Variants in SNAP25 observed in about 807,000 individuals in gnomAD.
SNAP25 encodes synaptosomal-associated protein 25.
A neutral mutation model predicts 28.7 loss-of-function variants in SNAP25; 3 were observed. That is an observed-to-expected ratio of 0.10 (90% CI 0.05 to 0.27). The LOEUF is 0.27. Ranked by LOEUF, SNAP25 falls within the 10% of genes least tolerant of loss-of-function variation. The pLI is 1.00. For missense variants in SNAP25, 117 were observed against 278.7 expected (o/e 0.42, Z 4.13); for synonymous variants, 61 against 88.1 (o/e 0.69, Z 1.72).
At chr20:10,290,175 T>G (rs989730431) in intron 4 of SNAP25, among the ~76,000 whole-genome samples, 2 of 152,148 alleles carry the variant, frequency 1.3e-5, no homozygotes, top group African/African-American at 4.8e-5. Context: ...ACAGAAATCA[T>G]TGAAGTGCCA....
chr20:10,220,120 A>G (rs922324097), intron 1 of SNAP25, among the ~76,000 whole-genome samples: 2 of 152,192 alleles, frequency 1.3e-5, no homozygotes, highest in South Asian at 2.1e-4. Context: ...AGCCAATGCT[A>G]TCTGTTTATA....
intron 3 of SNAP25, 52 bp downstream of exon 3, chr20:10,277,778 C>T (rs1271018877): frequency 1.3e-6 from 2 of 1,496,532 alleles, no homozygotes; most frequent in East Asian, 2.3e-5. Flanking sequence ...TATGCTGATA[C>T]ATCCTTTCCT....
In SNAP25 at chr20:10,296,948, A is replaced by C; in HGVS notation, c.305A>C (p.Lys102Thr). 6.2e-7 allele frequency: 1 copy of C among 1,614,178 alleles called. No individual in the cohort carries two copies. Among genetic ancestry groups the C allele is most frequent in the Non-Finnish European group, 8.5e-7 (1 of 1,180,024 alleles). Residue 102 changes from lysine (K) to threonine (T), a missense_variant, in exon 6 of 8, where the codon AAA becomes ACA. Lys to Thr is a moderately conservative substitution (Grantham distance 78, BLOSUM62 -1). Around this residue, in one of 3 missense-constraint regions of SNAP25, gnomAD observed 88 missense variants for 206.9 expected, o/e 0.43. Transcript: ENST00000254976. ...CNKLKSSDAY[K>T]KAWGNNQDGV... ...AGGCTTAAATCAAGTGATGCTTACAAAAAAGCCTGGGGCAATAATCAGGAC... is the reference window on the plus strand; with the variant it reads ...AGGCTTAAATCAAGTGATGCTTACACAAAAGCCTGGGGCAATAATCAGGAC...
At chr20:10,295,089 G>A (rs907581948) in intron 5 of SNAP25, among the ~76,000 whole-genome samples, 3 of 152,214 alleles carry the variant, frequency 2.0e-5, no homozygotes, top group Non-Finnish European at 2.9e-5. Context: ...CTTGACTGAG[G>A]TGTTCCCTAT....
At position 10,306,417 on chromosome 20, in the gene SNAP25, G is replaced by C. The variant is rs2064362158; in HGVS notation, c.*220G>C. The C allele has an allele frequency of 2.3e-6, 1 of 435,246 alleles. No individual in the cohort carries two copies. The allele number at this position is 435,246 out of a possible 1,614,324, so 27.0% of individuals were successfully genotyped here. A position where few individuals can be genotyped will look rare whatever the true frequency, so the allele number is the denominator to read the frequency against. The stretch of plus-strand genomic sequence containing the variant: ...CAAAGGTTGTACATAGTGGTCATTT[G>C]GTGGCTCTAACTCCTTGAGGTCTTG... On this transcript the variant is annotated 3_prime_UTR_variant, in exon 8 of 8. Coordinates refer to ENST00000254976, the MANE Select transcript of SNAP25 (RefSeq NM_130811.4).
intron 3 of SNAP25, 121 bp downstream of exon 3, chr20:10,277,847 A>G (rs988260828): frequency 9.6e-5 from 87 of 906,364 alleles, no homozygotes; most frequent in Non-Finnish European, 1.7e-5. Context: ...GATGTAGCCT[A>G]TCAGAAAGGC....
At chr20:10,304,535 TAAGG>T in intron 7 of SNAP25, among the ~76,000 whole-genome samples, 1 of 152,302 alleles carries the variant, frequency 6.6e-6, no homozygotes, top group Non-Finnish European at 1.5e-5. Flanking sequence ...AAGAAAATCA[TAAGG>T]AAGATAAAAT....
chr20:10,292,097 C>T (rs1020843029), intron 4 of SNAP25, among the ~76,000 whole-genome samples: 2 of 152,180 alleles, frequency 1.3e-5, no homozygotes, highest in African/African-American at 2.4e-5. Context: ...AATCCTACTT[C>T]CAAAGAGACA....
intron 1 of SNAP25, among the ~76,000 whole-genome samples, chr20:10,262,853 AAG>A (rs1272198603): frequency 1.3e-5 from 2 of 152,014 alleles, no homozygotes; most frequent in East Asian, 3.9e-4. Context: ...TAAGGCACAG[AAG>A]CAGTACAGGA....
At chr20:10,267,177 C>G (rs1252499609) in intron 1 of SNAP25, among the ~76,000 whole-genome samples, 1 of 152,038 alleles carries the variant, frequency 6.6e-6, no homozygotes, top group East Asian at 1.9e-4. Flanking sequence ...AAATTTAAAA[C>G]TATATAGAAA....
At position 10,251,436 on chromosome 20, in the gene SNAP25, G is replaced by T. The variant is rs572550806; in HGVS notation, c.-63-23993G>T. Among the ~76,000 whole-genome samples, 51 of 152,314 alleles carry T rather than the reference G, an allele frequency of 3.3e-4. No individual in the cohort carries two copies. The South Asian group carries it at 0.01, about 30-fold the overall frequency. On this transcript the variant is annotated intron_variant, in intron 1 of 7. Coordinates refer to ENST00000254976, the MANE Select transcript of SNAP25 (RefSeq NM_130811.4). ...ATGCCATTTGTTCAGAATTTTGAAG[G>T]CTGGATGGAAGGCTGGAAAAGGGTT...
At chr20:10,245,556 GTT>G (rs1418382502) in intron 1 of SNAP25, among the ~76,000 whole-genome samples, 1 of 152,206 alleles carries the variant, frequency 6.6e-6, no homozygotes, top group Non-Finnish European at 1.5e-5. Flanking sequence ...TCTAAAAAAA[GTT>G]TTGTTTCTGG....
chr20:10,251,469 G>A (rs918962662), intron 1 of SNAP25, among the ~76,000 whole-genome samples: 2 of 152,172 alleles, frequency 1.3e-5, no homozygotes, highest in Non-Finnish European at 2.9e-5. Context: ...GTTGAGGGAT[G>A]ATATTATGGC....
At chr20:10,299,919 G>A (rs1046943743) in intron 7 of SNAP25, among the ~76,000 whole-genome samples, 1 of 152,192 alleles carries the variant, frequency 6.6e-6, no homozygotes, top group Non-Finnish European at 1.5e-5. Flanking sequence ...AAGTGGAGGT[G>A]GTGAAGGGAT....
rs150217093 is a variant in SNAP25, at chr20:10,299,692, A to T, written c.552+280A>T. On this transcript the variant is annotated intron_variant, in intron 7 of 7. Transcript: ENST00000254976. ...TGGGCCATGTACACATGAGAAAGACACCACCCCTACTGCCAAGAAATTCAC... is the reference window on the plus strand; with the variant it reads ...TGGGCCATGTACACATGAGAAAGACTCCACCCCTACTGCCAAGAAATTCAC... 0.018 allele frequency among the ~76,000 whole-genome samples: 2,724 copies of T among 152,304 alleles called. 35 individuals carry two copies. Among genetic ancestry groups the T allele is most frequent in the Middle Eastern group, 0.034 (10 of 294 alleles).
chr20:10,223,687 A>G (rs1307292301), intron 1 of SNAP25, among the ~76,000 whole-genome samples: 1 of 152,138 alleles, frequency 6.6e-6, no homozygotes, highest in African/African-American at 2.4e-5. Flanking sequence ...AAAGTCTTAC[A>G]AGAGGAAAAA....
At chr20:10,295,630 A>G (rs1282790338) in intron 5 of SNAP25, among the ~76,000 whole-genome samples, 1 of 152,144 alleles carries the variant, frequency 6.6e-6, no homozygotes, top group Non-Finnish European at 1.5e-5. Context: ...CAGTTTTAAT[A>G]GATGGCTGTG....
At chr20:10,279,399 T>C (rs1226720594) in intron 3 of SNAP25, among the ~76,000 whole-genome samples, 2 of 152,266 alleles carry the variant, frequency 1.3e-5, no homozygotes, top group Admixed American at 1.3e-4. Context: ...TTTCTTTTTT[T>C]GGTTACGTGT....
chr20:10,261,887 A>T (rs2063419972), intron 1 of SNAP25, among the ~76,000 whole-genome samples: 1 of 152,224 alleles, frequency 6.6e-6, no homozygotes, highest in Admixed American at 6.5e-5. Flanking sequence ...AACAGAAATT[A>T]TGTTGATCAG....
Sources: allele counts gnomAD v4.1 joint callset (sites outside exome capture counted in the v4.1 genomes callset), GRCh38; gene constraint gnomAD v4.1.1; regional missense constraint gnomAD v4.1.1; transcripts MANE v1.5; gene names NCBI Gene and HGNC (gene_info 2026-07-23, HGNC 2026-07-21).